NRK: variants seen among roughly 807,000 people sequenced by gnomAD.
NRK encodes the protein nik-related protein kinase.
A neutral mutation model predicts 125.2 loss-of-function variants in NRK; 67 were observed. That is an observed-to-expected ratio of 0.54 (90% CI 0.44 to 0.66). The LOEUF is 0.66. Ranked by LOEUF, NRK falls within the 30% of genes least tolerant of loss-of-function variation. NRK has a pLI of 0.00. For missense variants in NRK, 1,224 were observed against 1,192.9 expected (o/e 1.03, Z -0.38); for synonymous variants, 458 against 429.0 (o/e 1.07, Z -0.84).
intron 23 of NRK, among the ~76,000 whole-genome samples, chrX:105,942,058 A>G (rs1366259466): frequency 9.0e-6 from 1 of 111,692 alleles, no homozygotes; most frequent in Non-Finnish European, 1.9e-5. Flanking sequence ...GTGTTTTATG[A>G]CGGACTTTTA....
At chrX:105,856,811 T>C (rs2039537258) in intron 2 of NRK, among the ~76,000 whole-genome samples, 1 of 111,653 alleles carries the variant, frequency 9.0e-6, no homozygotes, top group Non-Finnish European at 1.9e-5. Context: ...AAAGGAAGTA[T>C]TGTATAATGT....
chrX:105,919,829 C>G (rs2040415096), intron 16 of NRK, among the ~76,000 whole-genome samples: 1 of 111,149 alleles, frequency 9.0e-6, no homozygotes, highest in Admixed American at 9.6e-5. Context: ...AAAATTTTCT[C>G]CCATTTTGTA....
intron 19 of NRK, among the ~76,000 whole-genome samples, chrX:105,930,624 T>A (rs1380434158): frequency 9.0e-6 from 1 of 111,374 alleles, no homozygotes; most frequent in Non-Finnish European, 1.9e-5. Context: ...TTTGAAGGTA[T>A]CATGTTTCCT....
At chrX:105,921,419 C>T (rs776670714) in intron 16 of NRK, among the ~76,000 whole-genome samples, 2 of 105,271 alleles carry the variant, frequency 1.9e-5, no homozygotes, top group Admixed American at 2.1e-4. Context: ...CAGCATGGCA[C>T]ATGTATACAT....
chrX:105,946,553 A>G (rs1295780218), intron 26 of NRK, 89 bp downstream of exon 26: 1 of 663,279 alleles, frequency 1.5e-6, no homozygotes, highest in African/African-American at 2.2e-5. Flanking sequence ...GTTTAAAAAT[A>G]TGATTAGTAA....
chrX:105,896,815 C>G (rs975640930), intron 7 of NRK, among the ~76,000 whole-genome samples: 1 of 111,678 alleles, frequency 9.0e-6, no homozygotes, highest in African/African-American at 3.3e-5. Flanking sequence ...TGCACTCTAG[C>G]CTGGGTGGCA....
At chrX:105,913,888 A>G (rs766958426) in intron 14 of NRK, among the ~76,000 whole-genome samples, 3 of 111,014 alleles carry the variant, frequency 2.7e-5, no homozygotes, top group Admixed American at 9.7e-5. Flanking sequence ...AGTTAGTCCT[A>G]GTGTCCATTT....
chrX:105,918,483 T>C (rs1013008554), intron 16 of NRK, among the ~76,000 whole-genome samples: 2 of 111,608 alleles, frequency 1.8e-5, no homozygotes, highest in Non-Finnish European at 3.8e-5. Context: ...TATTTGAAGA[T>C]CAAAACTTAA....
chrX:105,951,563 C>T (rs764311312), intron 27 of NRK, among the ~76,000 whole-genome samples: 2 of 112,207 alleles, frequency 1.8e-5, no homozygotes, highest in South Asian at 7.4e-4. Flanking sequence ...CAAACAACTG[C>T]TTTGTTATTT....
chrX:105,928,019 G>A (rs1602683242), intron 19 of NRK, among the ~76,000 whole-genome samples: 1 of 111,490 alleles, frequency 9.0e-6, no homozygotes, highest in East Asian at 2.8e-4. Context: ...AATGAGTTTG[G>A]AAGAATTCCC....
intron 2 of NRK, among the ~76,000 whole-genome samples, chrX:105,860,415 G>A (rs939380308): frequency 9.0e-6 from 1 of 110,619 alleles, no homozygotes; most frequent in Non-Finnish European, 1.9e-5. Flanking sequence ...GCTTTATTAA[G>A]ATATCATTTA....
intron 28 of NRK, among the ~76,000 whole-genome samples, 169 bp downstream of exon 28, chrX:105,953,342 G>A (rs1412232326): frequency 3.6e-5 from 4 of 111,595 alleles, no homozygotes; most frequent in Admixed American, 1.9e-4. Flanking sequence ...CAGTAGAAAC[G>A]CTAATTTGGT....
At position 105,921,286 on chromosome X, in the gene NRK, T is replaced by TGGA. The variant is rs1165387335; in HGVS notation, c.2513-678_2513-677insGGA. Among the ~76,000 whole-genome samples the TGGA allele has an allele frequency of 1.8e-3, 168 of 93,334 alleles. 2 individuals carry two copies. Among genetic ancestry groups the TGGA allele is most frequent in the African/African-American group, 6.6e-3 (163 of 24,789 alleles). The allele number at this position is 93,334 out of a possible 115,157, so 81.0% of individuals were successfully genotyped here. ...CATAGGTGGGAATTGAACAATGAGA[T>TGGA]CACATGGACACAGGAAGGGGAATAT... On this transcript the variant is annotated intron_variant, in intron 16 of 28. Coordinates refer to ENST00000243300, the MANE Select transcript of NRK (RefSeq NM_198465.4).
At chrX:105,857,857 T>C (rs1450667679) in intron 2 of NRK, among the ~76,000 whole-genome samples, 1 of 111,443 alleles carries the variant, frequency 9.0e-6, no homozygotes, top group Non-Finnish European at 1.9e-5. Flanking sequence ...CCTTTTCATC[T>C]TCCTTCCCAC....
chrX:105,941,081 G>A (rs185747571), intron 23 of NRK, among the ~76,000 whole-genome samples: 1 of 111,752 alleles, frequency 8.9e-6, no homozygotes, highest in East Asian at 2.8e-4. Context: ...TAGTCCTACA[G>A]GTGAAAGATA....
chrX:105,936,592 TC>T (rs2040668576), intron 21 of NRK, among the ~76,000 whole-genome samples: 1 of 111,667 alleles, frequency 9.0e-6, no homozygotes, highest in African/African-American at 3.3e-5. Flanking sequence ...ACAGGTATGC[TC>T]CAAGTGCAAG....
At chrX:105,927,536 G>A (rs916993418) in intron 19 of NRK, among the ~76,000 whole-genome samples, 2 of 111,133 alleles carry the variant, frequency 1.8e-5, no homozygotes, top group Non-Finnish European at 3.8e-5. Flanking sequence ...TGGTGAAAGT[G>A]GATATTTTTG....
intron 2 of NRK, among the ~76,000 whole-genome samples, chrX:105,854,762 C>A (rs1161065438): frequency 1.8e-5 from 2 of 111,522 alleles, no homozygotes; most frequent in Non-Finnish European, 3.8e-5. Context: ...ATAAATAAAA[C>A]CTAGATTACC....
Position 105,946,331 on chromosome X carries a change from A to C in NRK, c.4220A>C (p.Asp1407Ala). The C allele has an allele frequency of 8.3e-7, 1 of 1,203,437 alleles. No individual in the cohort carries two copies. The change falls in exon 26 of 29, where the codon GAT becomes GCT. Residue 1407 changes from aspartate to alanine, a missense_variant. Asp to Ala is a moderately radical substitution (Grantham distance 126). Coordinates refer to ENST00000243300, the MANE Select transcript of NRK (RefSeq NM_198465.4). ...TATTCACAGGTATTTCCAACACTTG[A>C]TCATAAGCCAGTGACAGTTGACCTG... ...LLKLKVFPTL[D>A]HKPVTVDLAI...
Sources: gnomAD v4.1 joint callset for allele counts (sites outside exome capture counted in the v4.1 genomes callset) on GRCh38, gnomAD v4.1.1 for gene constraint, MANE v1.5 for transcripts, NCBI Gene and HGNC (gene_info 2026-07-23, HGNC 2026-07-21) for gene names.